Variants in PTPRN2 observed in about 807,000 individuals in gnomAD.
The protein encoded by PTPRN2 is receptor-type tyrosine-protein phosphatase N2.
PTPRN2 carries 74 observed loss-of-function variants against 118.8 expected under a neutral mutation model. The observed-to-expected ratio is 0.62, with a 90% CI of 0.52 to 0.76. The LOEUF is 0.76. Ranked by LOEUF, PTPRN2 falls within the 30% of genes least tolerant of loss-of-function variation. The probability of loss-of-function intolerance (pLI) is 0.00; values close to 1 mark genes in which losing one functional copy is unlikely to be tolerated. For synonymous variants in PTPRN2, 641 were observed against 608.0 expected (o/e 1.05, Z -0.80); for missense variants, 1,481 against 1,394.4 (o/e 1.06, Z -0.99).
In PTPRN2 at chr7:158,544,945, G is replaced by A. The variant is rs529592934; in HGVS notation, c.112+42613C>T. 3.3e-5 allele frequency among the ~76,000 whole-genome samples: 5 copies of A among 152,326 alleles called. No homozygotes were observed. The highest frequency in any genetic ancestry group is 7.2e-5 in the African/African-American group (3 of 41,568). ...TCTTTCTTCTTGTGGAAAGCCCCAC[G>A]TGGAGCAGAGGGGCATCTGGAGCTC... is the stretch of plus-strand genomic sequence containing the variant. On this transcript the variant is annotated intron_variant, in intron 1 of 22. Coordinates refer to ENST00000389418, the MANE Select transcript of PTPRN2 (RefSeq NM_002847.5). The surrounding 1 kb of genome is among the most constrained non-coding windows in gnomAD (Gnocchi z 4.2).
intron 14 of PTPRN2, among the ~76,000 whole-genome samples, chr7:157,646,389 G>C (rs1218005040): frequency 3.9e-5 from 6 of 152,130 alleles, no homozygotes; most frequent in Non-Finnish European, 7.4e-5. Flanking sequence ...GTGACGTCTT[G>C]GCTCCCCTTT....
At position 157,780,804 on chromosome 7, in the gene PTPRN2, T is replaced by TC. The variant is rs1183644601; in HGVS notation, c.1789-97868dup. Among the ~76,000 whole-genome samples, 1 of 152,100 alleles carries TC rather than the reference T, an allele frequency of 6.6e-6. No individual in the cohort carries two copies. Among genetic ancestry groups the TC allele is most frequent in the Non-Finnish European group, 1.5e-5 (1 of 68,006 alleles). On this transcript the variant is annotated intron_variant, in intron 12 of 22. Transcript: ENST00000389418. This position sits in a 1 kb window ranked among gnomAD's most constrained non-coding sequence, Gnocchi z 4.5. ...GTGGACGAGCTCTCCAAACTCGCTT[T>TC]CTCTGCCTCATCCGTGATGAGCTGC...
chr7:157,752,366 G>C (rs1344936957), intron 12 of PTPRN2, among the ~76,000 whole-genome samples: 1 of 152,210 alleles, frequency 6.6e-6, no homozygotes, highest in Non-Finnish European at 1.5e-5. Flanking sequence ...AGCCCCAGAG[G>C]GGGCAGGCTT....
chr7:158,318,845 G>C (rs879490409), intron 2 of PTPRN2, among the ~76,000 whole-genome samples: 18 of 152,352 alleles, frequency 1.2e-4, no homozygotes, highest in Admixed American at 9.1e-4. Context: ...CACAGGGCTT[G>C]GTGATTTGGT....
At chr7:157,571,605 C>T (rs1192989595) in intron 19 of PTPRN2, 112 bp from the exon 20 acceptor site, 2 of 719,040 alleles carry the variant, frequency 2.8e-6, no homozygotes, top group Middle Eastern at 2.7e-4. Flanking sequence ...ATTTTGCAAT[C>T]GCTTGTTTTG....
At chr7:158,270,806 T>TGGGCCGCCCCCC (rs1798321733) in intron 3 of PTPRN2, among the ~76,000 whole-genome samples, 9 of 6,398 alleles carry the variant, frequency 1.4e-3, no homozygotes, top group Non-Finnish European at 2.3e-3. Flanking sequence ...GACCACCCCC[T>TGGGCCGCCCCCC]CACCTGGACC....
rs149492980 is a variant in PTPRN2, at chr7:158,264,377, G to C, written c.277+52442C>G. On this transcript the variant is annotated intron_variant, in intron 3 of 22. Coordinates refer to ENST00000389418, the MANE Select transcript of PTPRN2 (RefSeq NM_002847.5). ...GGAGTGAAGGTAGCTTCCCAGGGCA[G>C]TTTGCTGAGCTCTTCCTGCGTGCTG... 2.4e-3 allele frequency among the ~76,000 whole-genome samples: 369 copies of C among 152,354 alleles called. 1 individual carries two copies. The highest frequency in any genetic ancestry group is 4.3e-3 in the Non-Finnish European group (293 of 68,042).
chr7:158,477,781 A>G (rs11979432), intron 2 of PTPRN2, among the ~76,000 whole-genome samples: 1,856 of 152,352 alleles, frequency 0.012, 49 homozygotes, highest in South Asian at 0.061. Flanking sequence ...CCAGGTTTTC[A>G]GCCTGGCCTG....
intron 6 of PTPRN2, among the ~76,000 whole-genome samples, chr7:158,157,779 G>A (rs749178312): frequency 2.2e-4 from 34 of 152,326 alleles, no homozygotes; most frequent in African/African-American, 4.6e-4. Flanking sequence ...CCTCTCCTGC[G>A]CCTGCTCCCC....
chr7:158,387,387 T>C (rs1429999240), intron 2 of PTPRN2, among the ~76,000 whole-genome samples: 1 of 152,244 alleles, frequency 6.6e-6, no homozygotes, highest in African/African-American at 2.4e-5. Flanking sequence ...GCTCACTGCC[T>C]TCGCTGGGGT....
intron 2 of PTPRN2, among the ~76,000 whole-genome samples, chr7:158,437,282 A>G (rs922131922): frequency 2.0e-5 from 3 of 152,152 alleles, no homozygotes; most frequent in Admixed American, 2.0e-4. Flanking sequence ...TTTCCATTTG[A>G]TTACTTTGTT....
chr7:158,390,032 G>A (rs1028739387), intron 2 of PTPRN2, among the ~76,000 whole-genome samples: 12 of 152,338 alleles, frequency 7.9e-5, no homozygotes, highest in Non-Finnish European at 1.0e-4. Context: ...AGGATCCTAC[G>A]GAGGGATGAA....
chr7:157,709,009 G>A (rs1287625992), intron 12 of PTPRN2, among the ~76,000 whole-genome samples: 2 of 152,218 alleles, frequency 1.3e-5, no homozygotes, highest in Admixed American at 6.5e-5. Flanking sequence ...GGGAGGGGAA[G>A]CCACCTGGGG....
rs1257229162 is a variant in PTPRN2 at position 157,636,678 on chromosome 7, AG to A, written c.2197-15170del. 3.9e-5 allele frequency among the ~76,000 whole-genome samples: 6 copies of A among 152,374 alleles called. No individual in the cohort carries two copies. The South Asian group carries it at 6.2e-4, about 16-fold the overall frequency. On this transcript the variant is annotated intron_variant, in intron 14 of 22. Coordinates refer to ENST00000389418, the MANE Select transcript of PTPRN2 (RefSeq NM_002847.5). ...ACTATTCAGGTGTCTTCTTTATACC[AG>A]GATCTGCGGTCATCACCTTTATAGA...
chr7:158,274,777 A>G (rs1464156313), intron 3 of PTPRN2, among the ~76,000 whole-genome samples: 1 of 152,214 alleles, frequency 6.6e-6, no homozygotes, highest in Non-Finnish European at 1.5e-5. Flanking sequence ...GGCCACACAC[A>G]GGGAGCCTGA....
chr7:157,777,193 T>G (rs1803379770), intron 12 of PTPRN2, among the ~76,000 whole-genome samples: 1 of 152,228 alleles, frequency 6.6e-6, no homozygotes, highest in South Asian at 2.1e-4. Context: ...AGAGAATGCT[T>G]GCATTTTTTT....
chr7:157,910,198 C>T (rs1296436756), intron 11 of PTPRN2, among the ~76,000 whole-genome samples: 1 of 141,178 alleles, frequency 7.1e-6, no homozygotes, highest in Non-Finnish European at 1.6e-5. Context: ...CGTGGGAATG[C>T]GTGCAGGATC....
intron 3 of PTPRN2, among the ~76,000 whole-genome samples, chr7:158,246,745 C>T (rs892708730): frequency 5.3e-5 from 8 of 151,974 alleles, no homozygotes; most frequent in Admixed American, 2.6e-4. Context: ...ATGACAGCAA[C>T]GACGACAGTG....
At chr7:157,767,691 T>G (rs1264582804) in intron 12 of PTPRN2, among the ~76,000 whole-genome samples, 1 of 152,156 alleles carries the variant, frequency 6.6e-6, no homozygotes, top group Non-Finnish European at 1.5e-5. Context: ...GCCTCTGCAG[T>G]GTGGTGAGAA....
Sources: allele counts gnomAD v4.1 joint callset (sites outside exome capture counted in the v4.1 genomes callset), GRCh38; gene constraint gnomAD v4.1.1; non-coding constraint Gnocchi (gnomAD v3.1); transcripts MANE v1.5; gene names NCBI Gene and HGNC (gene_info 2026-07-23, HGNC 2026-07-21).